ATP10B: variants seen among roughly 807,000 people sequenced by gnomAD.
ATP10B encodes the protein ATPase phospholipid transporting 10B (putative), also known as phospholipid-transporting ATPase VB.
ATP10B carries 122 observed loss-of-function variants against 141.2 expected under a neutral mutation model. The ratio of observed to expected loss-of-function variants is 0.86; its 90% CI spans 0.75 to 1.00. The LOEUF (loss-of-function observed/expected upper bound fraction) is 1.00, where lower values mean the gene tolerates loss of function less well. Among genes scored for constraint, ATP10B ranks in the 50% least tolerant of loss-of-function variants. The pLI, the probability that ATP10B is intolerant of heterozygous loss-of-function variation, is 0.00. For synonymous variants in ATP10B, 685 were observed against 692.0 expected (o/e 0.99, Z 0.16); for missense variants, 1,876 against 1,825.3 (o/e 1.03, Z -0.51).
chr5:160,894,200 G>A, the ATP10B span, among the ~76,000 whole-genome samples: 2 of 152,180 alleles, frequency 1.3e-5, no homozygotes, highest in Non-Finnish European at 2.9e-5. Flanking sequence ...GAATGAGTTT[G>A]ATGAATGAGC....
the ATP10B span, among the ~76,000 whole-genome samples, chr5:160,912,537 T>G: frequency 6.4e-4 from 97 of 151,312 alleles, no homozygotes; most frequent in Non-Finnish European, 1.2e-3. Context: ...AGGTGGAGGT[T>G]GCAGTGAGCT....
chr5:160,584,795 T>C (rs1021267516), intron 24 of ATP10B, among the ~76,000 whole-genome samples: 1 of 152,120 alleles, frequency 6.6e-6, no homozygotes, highest in Non-Finnish European at 1.5e-5. Context: ...CCTTATAGAG[T>C]TTATTTGAAA....
chr5:160,849,164 C>T (rs575993813), intron 1 of ATP10B, among the ~76,000 whole-genome samples: 63 of 152,214 alleles, frequency 4.1e-4, no homozygotes, highest in East Asian at 3.5e-3. Flanking sequence ...AGAGAACATA[C>T]GGTAGCATGT....
rs150667145 is a variant in ATP10B, at chr5:160,782,661, G to T, written c.-331+2898C>A. ...GAGAAATATCTCTGTGCAGAAGAAT[G>T]TTTTGATGTAATTAAAAATAGTGAT... On this transcript the variant is annotated intron_variant, in intron 2 of 25. Coordinates refer to ENST00000327245, the MANE Select transcript of ATP10B (RefSeq NM_025153.3). 1.6e-3 allele frequency among the ~76,000 whole-genome samples: 239 copies of T among 152,210 alleles called. 1 individual carries two copies. Among genetic ancestry groups the T allele is most frequent in the African/African-American group, 5.3e-3 (220 of 41,528 alleles).
At chr5:160,643,107 C>G (rs1031961105) in intron 9 of ATP10B, among the ~76,000 whole-genome samples, 2 of 152,186 alleles carry the variant, frequency 1.3e-5, no homozygotes, top group African/African-American at 2.4e-5. Context: ...AATAAGTCAT[C>G]TGAACTGACA....
chr5:160,656,662 A>G (rs1761518866), intron 7 of ATP10B, among the ~76,000 whole-genome samples: 1 of 152,118 alleles, frequency 6.6e-6, no homozygotes, highest in African/African-American at 2.4e-5. Context: ...AATAATGGAC[A>G]TTGAAAGGAC....
the ATP10B span, among the ~76,000 whole-genome samples, chr5:160,923,386 C>T: frequency 3.9e-5 from 6 of 152,170 alleles, no homozygotes; most frequent in Admixed American, 1.3e-4. Context: ...CTTAACCTTA[C>T]CAACCTTAGT....
intron 2 of ATP10B, among the ~76,000 whole-genome samples, chr5:160,756,759 A>G (rs1024699527): frequency 2.0e-5 from 3 of 152,136 alleles, no homozygotes; most frequent in South Asian, 4.1e-4. Flanking sequence ...ATGTTTTGAT[A>G]CAGGCATGCA....
chr5:160,858,501 T>G, the ATP10B span, among the ~76,000 whole-genome samples: 1 of 151,954 alleles, frequency 6.6e-6, no homozygotes, highest in African/African-American at 2.4e-5. Context: ...CCCAGATATT[T>G]TCCACCTGCC....
Position 160,658,732 on chromosome 5 carries a change from G to A in ATP10B, c.676-9476C>T, listed in dbSNP as rs374144296. ...AAAGCACAAATACTACTGGTACCAC[G>A]TTTCATTCCACATGAAGGAAGTTGG... is the stretch of plus-strand genomic sequence containing the variant. On this transcript the variant is annotated intron_variant, in intron 7 of 25. Coordinates refer to ENST00000327245, the MANE Select transcript of ATP10B (RefSeq NM_025153.3). Among the ~76,000 whole-genome samples the A allele has an allele frequency of 4.7e-4, 71 of 152,272 alleles. 2 individuals carry two copies. The East Asian group carries it at 0.013, about 28-fold the overall frequency.
the ATP10B span, among the ~76,000 whole-genome samples, chr5:160,903,847 G>C: frequency 6.6e-6 from 1 of 152,186 alleles, no homozygotes; most frequent in Admixed American, 6.5e-5. Flanking sequence ...ATTTGCACCC[G>C]AGGTCAGCAA....
chr5:160,767,635 A>AACC (rs1554113840), intron 2 of ATP10B, among the ~76,000 whole-genome samples: 3 of 86,660 alleles, frequency 3.5e-5, no homozygotes, highest in African/African-American at 7.5e-5. Context: ...TGTGTGCAGA[A>AACC]CCCCCCCCCC....
Position 160,636,336 on chromosome 5 carries a change from G to A in ATP10B, c.1001-27C>T, listed in dbSNP as rs1347781021. The A allele has an allele frequency of 7.5e-6, 12 of 1,607,812 alleles. 1 individual carries two copies. Among genetic ancestry groups the A allele is most frequent in the Middle Eastern group, 1.7e-4 (1 of 6,048 alleles). On this transcript the variant is annotated intron_variant, in intron 10 of 25. Coordinates refer to ENST00000327245, the MANE Select transcript of ATP10B (RefSeq NM_025153.3). Reference sequence around the variant, plus strand: ...TGAGAGGAGGCAAAACCAGGAATGAGGCTGAATCTCTACTAAGTCCTAAAG... The same window carrying A: ...TGAGAGGAGGCAAAACCAGGAATGAAGCTGAATCTCTACTAAGTCCTAAAG...
chr5:160,889,473 C>A, the ATP10B span, among the ~76,000 whole-genome samples: 1 of 152,200 alleles, frequency 6.6e-6, no homozygotes, highest in Non-Finnish European at 1.5e-5. Context: ...AGCTGACTGT[C>A]CTGCTGCTTC....
intron 7 of ATP10B, among the ~76,000 whole-genome samples, chr5:160,653,630 A>G (rs1165459982): frequency 6.1e-5 from 5 of 82,364 alleles, no homozygotes; most frequent in African/African-American, 2.4e-4. Context: ...TATTATATAT[A>G]CATATATACA....
At chr5:160,835,478 G>A (rs1267276440) in intron 1 of ATP10B, among the ~76,000 whole-genome samples, 2 of 152,098 alleles carry the variant, frequency 1.3e-5, no homozygotes. Flanking sequence ...TGTTCTCTGG[G>A]ACCTCCCACC....
At chr5:160,760,836 C>T (rs1440257864) in intron 2 of ATP10B, among the ~76,000 whole-genome samples, 2 of 152,154 alleles carry the variant, frequency 1.3e-5, no homozygotes, top group Non-Finnish European at 2.9e-5. Flanking sequence ...GAGAACCACA[C>T]CCTTATCCCC....
chr5:160,678,674 A>T (rs1364951776), intron 6 of ATP10B, among the ~76,000 whole-genome samples: 1 of 152,174 alleles, frequency 6.6e-6, no homozygotes, highest in African/African-American at 2.4e-5. Flanking sequence ...CAAAAAAATT[A>T]CTTAGTACTA....
the ATP10B span, among the ~76,000 whole-genome samples, chr5:160,872,729 C>A: frequency 6.6e-6 from 1 of 152,130 alleles, no homozygotes; most frequent in African/African-American, 2.4e-5. Context: ...TTTCCATTGG[C>A]CTATGTGCCT....
Sources: allele counts gnomAD v4.1 joint callset (sites outside exome capture counted in the v4.1 genomes callset), GRCh38; gene constraint gnomAD v4.1.1; transcripts MANE v1.5; gene names NCBI Gene and HGNC (gene_info 2026-07-23, HGNC 2026-07-21).